ATP8A1: variants seen among roughly 807,000 people sequenced by gnomAD.
The protein encoded by ATP8A1 is phospholipid-transporting ATPase IA.
ATP8A1 carries 90 observed loss-of-function variants against 177.7 expected under a neutral mutation model. The observed-to-expected ratio is 0.51, with a 90% CI of 0.43 to 0.60. ATP8A1 has a LOEUF of 0.60. ATP8A1 is among the 20% of genes least tolerant of loss of function. The probability of loss-of-function intolerance (pLI) is 0.00; values close to 1 mark genes in which losing one functional copy is unlikely to be tolerated. For synonymous variants in ATP8A1, 493 were observed against 485.9 expected (o/e 1.01, Z -0.19); for missense variants, 1,072 against 1,392.8 (o/e 0.77, Z 3.67).
intron 9 of ATP8A1, among the ~76,000 whole-genome samples, chr4:42,584,631 A>G (rs1350127154): frequency 2.6e-5 from 4 of 152,108 alleles, no homozygotes; most frequent in Non-Finnish European, 5.9e-5. Flanking sequence ...GCCTTTCCCA[A>G]CATAACGTTG....
intron 15 of ATP8A1, among the ~76,000 whole-genome samples, chr4:42,560,755 G>A (rs369254159): frequency 6.6e-6 from 1 of 151,924 alleles, no homozygotes; most frequent in African/African-American, 2.4e-5. Context: ...CTTTATTTAG[G>A]AGCTGGTAGC....
At chr4:42,455,150 C>A in intron 29 of ATP8A1, 147 bp downstream of exon 29, 3 of 1,019,724 alleles carry the variant, frequency 2.9e-6, no homozygotes, top group South Asian at 4.9e-5. Context: ...GTATCAGAAC[C>A]TTAAGAAATA....
At chr4:42,639,909 G>A (rs574455093) in intron 1 of ATP8A1, among the ~76,000 whole-genome samples, 100 of 152,232 alleles carry the variant, frequency 6.6e-4, no homozygotes, top group Middle Eastern at 6.8e-3. Context: ...ATCATCTCTC[G>A]ATTACTTATA....
intron 27 of ATP8A1, among the ~76,000 whole-genome samples, chr4:42,457,749 T>G (rs1468502382): frequency 6.6e-6 from 1 of 152,244 alleles, no homozygotes; most frequent in South Asian, 2.1e-4. Context: ...GCTTGAAATT[T>G]AAGATTCTCC....
Position 42,555,108 on chromosome 4 carries a change from T to C in ATP8A1, c.1413+860A>G, listed in dbSNP as rs1444064094. On this transcript the variant is annotated intron_variant, in intron 16 of 36. Transcript: ENST00000381668. ...GTGTATCTATCTATCTATCTATCTA[T>C]CTATCTATCTATCTATCTATCTATC... Among the ~76,000 whole-genome samples, 3 of 93,106 alleles carry C rather than the reference T, an allele frequency of 3.2e-5. No individual in the cohort carries two copies. The East Asian group carries it at 8.9e-4, about 27-fold the overall frequency. The allele number at this position is 93,106 out of a possible 152,430, so 61.1% of individuals were successfully genotyped here.
At chr4:42,602,414 T>C (rs1735377023) in intron 5 of ATP8A1, among the ~76,000 whole-genome samples, 1 of 152,218 alleles carries the variant, frequency 6.6e-6, no homozygotes, top group Non-Finnish European at 1.5e-5. Context: ...CAAGAGGTGC[T>C]GTCTCTGCCA....
chr4:42,419,622 A>G (rs756642292), intron 35 of ATP8A1, among the ~76,000 whole-genome samples: 2 of 152,198 alleles, frequency 1.3e-5, no homozygotes, highest in Non-Finnish European at 2.9e-5. Context: ...ATAAAATAAC[A>G]TGGTGTTTTG....
At chr4:42,625,132 A>AT (rs1224566429) in intron 3 of ATP8A1, 1 of 152,006 alleles carries the variant, frequency 6.6e-6, no homozygotes, top group Non-Finnish European at 1.5e-5. Context: ...AGAGTTTTAA[A>AT]TTTTTTTCCT....
At chr4:42,427,614 A>G (rs1178098875) in intron 33 of ATP8A1, among the ~76,000 whole-genome samples, 5 of 152,252 alleles carry the variant, frequency 3.3e-5, no homozygotes, top group Non-Finnish European at 2.9e-5. Context: ...TTTTAATTCG[A>G]TAATTCAATT....
chr4:42,590,819 C>T lies in ATP8A1; in HGVS notation c.516G>A (p.Leu172=), dbSNP rs1351638514. The part of the protein sequence containing the change: ...GEHLPADLIS[L]SSSEPQAMCY... ...GACTCAGTGGTTCTAACCTTGAGGA[C>T]AGACTGATGAGATCTGCTGGGAGAT... The change falls in exon 7 of 37, where the codon CTG becomes CTA. Residue 172 remains leucine (L), a synonymous_variant. Transcript: ENST00000381668. The T allele has an allele frequency of 3.1e-6, 5 of 1,613,398 alleles. No individual in the cohort carries two copies. The highest frequency in any genetic ancestry group is 4.2e-6 in the Non-Finnish European group (5 of 1,179,816).
rs1158254090 is a variant in ATP8A1, at chr4:42,408,792, T to C, written c.*4124A>G. 6.6e-6 allele frequency: 1 copy of C among 152,226 alleles called. No individual in the cohort carries two copies. Among genetic ancestry groups the C allele is most frequent in the Non-Finnish European group, 1.5e-5 (1 of 68,026 alleles). The allele number at this position is 152,226 out of a possible 1,614,324, so 9.4% of individuals were successfully genotyped here. On this transcript the variant is annotated 3_prime_UTR_variant, in exon 37 of 37. Transcript: ENST00000381668. ...AAGTAGTTAAACAACAGATAGTATT[T>C]ACTGCATTTATGGCTTCCATTTAGA...
Position 42,522,279 on chromosome 4 carries a change from C to T in ATP8A1, c.1828G>A (p.Ala610Thr). The T allele has an allele frequency of 6.2e-7, 1 of 1,613,666 alleles. No individual in the cohort carries two copies. The highest frequency in any genetic ancestry group is 8.5e-7 in the Non-Finnish European group (1 of 1,179,838). ...TCGCTCTCTGAAATCTCAGCCACAG[C>T]AAAACATAAAGTTCTTAACCCTGAA... ...ATEGLRTLCFAVAEISESDFQ... is the reference protein window; with the variant it reads ...ATEGLRTLCFTVAEISESDFQ... Residue 610 changes from alanine (A) to threonine (T), a missense_variant, in exon 22 of 37, where the codon GCT becomes ACT. Coordinates refer to ENST00000381668, the MANE Select transcript of ATP8A1 (RefSeq NM_006095.2).
chr4:42,498,479 GTTAAC>G (rs1223817810), intron 24 of ATP8A1, among the ~76,000 whole-genome samples: 2 of 152,122 alleles, frequency 1.3e-5, no homozygotes, highest in Non-Finnish European at 2.9e-5. Context: ...TCTAATGCTT[GTTAAC>G]TTAATATCCA....
intron 16 of ATP8A1, among the ~76,000 whole-genome samples, chr4:42,553,552 G>C (rs1486947466): frequency 6.6e-6 from 1 of 152,020 alleles, no homozygotes; most frequent in African/African-American, 2.4e-5. Context: ...ATATCTTCCT[G>C]TCTGGCTCTC....
chr4:42,568,580 C>A (rs536490649), intron 15 of ATP8A1, among the ~76,000 whole-genome samples: 2 of 152,014 alleles, frequency 1.3e-5, no homozygotes, highest in Admixed American at 1.3e-4. Context: ...TGAAATTAAA[C>A]CCATAAAACG....
At chr4:42,602,187 A>G (rs558657920) in intron 5 of ATP8A1, among the ~76,000 whole-genome samples, 5 of 152,380 alleles carry the variant, frequency 3.3e-5, no homozygotes, top group Non-Finnish European at 2.9e-5. Context: ...CGCAGAAGTT[A>G]AAGTACCAAT....
intron 1 of ATP8A1, among the ~76,000 whole-genome samples, chr4:42,632,444 T>C (rs1170044100): frequency 1.3e-5 from 2 of 152,206 alleles, no homozygotes; most frequent in Non-Finnish European, 2.9e-5. Context: ...TTGCTATGCA[T>C]ATTTTAAACC....
chr4:42,607,186 C>T (rs909505049), intron 5 of ATP8A1, among the ~76,000 whole-genome samples: 1 of 152,154 alleles, frequency 6.6e-6, no homozygotes, highest in Admixed American at 6.5e-5. Flanking sequence ...CGTACTTCTA[C>T]CCCATCCCCC....
chr4:42,423,614 T>C lies in ATP8A1; in HGVS notation c.3212+3A>G. The C allele has an allele frequency of 6.2e-7, 1 of 1,603,336 alleles. No individual in the cohort carries two copies. ...CTCCGTATATAACTGAGTATATACTTACACCTTGTACACCACATCAAGGAG... is the reference window on the plus strand; with the variant it reads ...CTCCGTATATAACTGAGTATATACTCACACCTTGTACACCACATCAAGGAG... On this transcript the variant is annotated splice_donor_region_variant and intron_variant, in intron 34 of 36. Transcript: ENST00000381668.
Sources: allele counts gnomAD v4.1 joint callset (sites outside exome capture counted in the v4.1 genomes callset), GRCh38; gene constraint gnomAD v4.1.1; transcripts MANE v1.5; gene names NCBI Gene and HGNC (gene_info 2026-07-23, HGNC 2026-07-21).